The following MRPS9 variants were observed in gnomAD, a reference collection of about 807,000 sequenced individuals.
MRPS9 encodes mitochondrial ribosomal protein S9.
Under a neutral mutation model 59.9 loss-of-function variants are expected in MRPS9, and 45 were observed. The ratio of observed to expected loss-of-function variants is 0.75; its 90% CI spans 0.59 to 0.96. The LOEUF (loss-of-function observed/expected upper bound fraction) is 0.96, where lower values mean the gene tolerates loss of function less well. MRPS9 is among the 40% of genes least tolerant of loss of function. MRPS9 has a pLI of 0.00. For missense variants in MRPS9, 473 were observed against 481.1 expected (o/e 0.98, Z 0.16); for synonymous variants, 171 against 166.8 (o/e 1.03, Z -0.19).
rs150800821 is a variant in MRPS9, at chr2:105,091,809, A to G, written c.652-592A>G. Among the ~76,000 whole-genome samples the G allele has an allele frequency of 6.6e-5, 10 of 152,324 alleles. No individual in the cohort carries two copies. In the East Asian group the frequency reaches 1.9e-3, roughly 29 times the overall value. ...TCAAGAACTATTAAAAAAAATGCAC[A>G]GAGGAGCAAGGATAATTTATTTCAA... On this transcript the variant is annotated intron_variant, in intron 7 of 10. Transcript: ENST00000258455.
At chr2:105,047,646 A>G (rs1679617372) in intron 1 of MRPS9, among the ~76,000 whole-genome samples, 1 of 152,042 alleles carries the variant, frequency 6.6e-6, no homozygotes, top group Non-Finnish European at 1.5e-5. Context: ...AAGGTTGAGA[A>G]CTACAGGTTT....
At position 105,099,843 on chromosome 2, in the gene MRPS9, A is replaced by G; in HGVS notation, c.*82A>G. On this transcript the variant is annotated 3_prime_UTR_variant, in exon 11 of 11. Transcript: ENST00000258455. The stretch of plus-strand genomic sequence containing the variant: ...GACACACAGTAAATAATGGCTGACC[A>G]GCATGAGGGCAGTACTGTCAGAAAT... 3 of 1,249,618 alleles carry G rather than the reference A, an allele frequency of 2.4e-6. No homozygotes were observed. The highest frequency in any genetic ancestry group is 2.3e-6 in the Non-Finnish European group (2 of 866,464). 77.4% of individuals were successfully genotyped at this position (1,249,618 alleles called of 1,614,324 possible).
At chr2:105,093,752 T>C in intron 9 of MRPS9, 114 bp downstream of exon 9, 2 of 511,682 alleles carry the variant, frequency 3.9e-6, no homozygotes, top group Non-Finnish European at 6.9e-6. Context: ...TGATTATTTC[T>C]CTTTACCAAT....
intron 1 of MRPS9, among the ~76,000 whole-genome samples, chr2:105,039,687 T>G (rs1169910075): frequency 1.3e-5 from 2 of 152,244 alleles, no homozygotes. Flanking sequence ...CATTTTTAAC[T>G]GCTGCATACT....
intron 5 of MRPS9, among the ~76,000 whole-genome samples, chr2:105,087,758 C>T (rs188913748): frequency 1.3e-3 from 199 of 151,472 alleles, no homozygotes; most frequent in African/African-American, 4.2e-3. Flanking sequence ...AATTCAAAGG[C>T]TCAGTCTGTA....
chr2:105,098,132 C>G (rs1464840757), intron 10 of MRPS9: 1 of 152,130 alleles, frequency 6.6e-6, no homozygotes, highest in Non-Finnish European at 1.5e-5. Flanking sequence ...CTGTGTAACC[C>G]TGTTACCTGG....
intron 1 of MRPS9, among the ~76,000 whole-genome samples, chr2:105,043,115 C>T (rs1392632869): frequency 6.6e-6 from 1 of 152,188 alleles, no homozygotes; most frequent in Non-Finnish European, 1.5e-5. Context: ...TTCTTATCAT[C>T]TATTACCTAT....
At chr2:105,041,518 T>TA (rs1323796896) in intron 1 of MRPS9, among the ~76,000 whole-genome samples, 1 of 132,698 alleles carries the variant, frequency 7.5e-6, no homozygotes. Flanking sequence ...TGTCTCTGTC[T>TA]AAAGTATCTG....
chr2:105,061,838 T>C (rs892850634), intron 2 of MRPS9, among the ~76,000 whole-genome samples: 1 of 152,194 alleles, frequency 6.6e-6, no homozygotes, highest in Non-Finnish European at 1.5e-5. Context: ...TGGAGGTCTG[T>C]GCTTGTCATT....
intron 4 of MRPS9, among the ~76,000 whole-genome samples, chr2:105,078,255 TATATAAA>T (rs1162848704): frequency 6.6e-6 from 1 of 151,680 alleles, no homozygotes; most frequent in African/African-American, 2.4e-5. Context: ...TTCTTTGTGA[TATATAAA>T]ATACATGATG....
At chr2:105,075,978 G>A (rs1471493970) in intron 4 of MRPS9, among the ~76,000 whole-genome samples, 1 of 151,714 alleles carries the variant, frequency 6.6e-6, no homozygotes, top group Non-Finnish European at 1.5e-5. Flanking sequence ...GCATTGTTTT[G>A]GAAGTTTTAC....
chr2:105,099,809 C>G lies in MRPS9; in HGVS notation c.*48C>G. 2 of 1,557,366 alleles carry G rather than the reference C, an allele frequency of 1.3e-6. No individual in the cohort carries two copies. The highest frequency in any genetic ancestry group is 1.8e-6 in the Non-Finnish European group (2 of 1,130,822). On this transcript the variant is annotated 3_prime_UTR_variant, in exon 11 of 11. Transcript: ENST00000258455. The stretch of plus-strand genomic sequence containing the variant: ...AGGAAGAGCTATATATATGTGCCGA[C>G]ATGTGGCAGACACACAGTAAATAAT...
intron 2 of MRPS9, 24 bp downstream of exon 2, chr2:105,049,374 A>G: frequency 6.3e-7 from 1 of 1,586,960 alleles, no homozygotes; most frequent in Non-Finnish European, 8.6e-7. Context: ...CTCTGTTGAA[A>G]AAGTAATTGC....
At chr2:105,067,624 T>A (rs969138937) in intron 2 of MRPS9, among the ~76,000 whole-genome samples, 3 of 150,330 alleles carry the variant, frequency 2.0e-5, no homozygotes, top group African/African-American at 7.3e-5. Flanking sequence ...TGCCTGAAAT[T>A]GATGGTTAAT....
At chr2:105,076,060 G>A (rs1163684889) in intron 4 of MRPS9, among the ~76,000 whole-genome samples, 1 of 152,010 alleles carries the variant, frequency 6.6e-6, no homozygotes. Context: ...TAGGAAAATC[G>A]ATTATTATTC....
intron 1 of MRPS9, among the ~76,000 whole-genome samples, chr2:105,039,925 T>G (rs891097034): frequency 2.0e-5 from 3 of 152,290 alleles, no homozygotes; most frequent in Admixed American, 6.5e-5. Flanking sequence ...ACTGAGCACT[T>G]TACCTGAGCC....
In MRPS9 at chr2:105,099,911, G is replaced by C. The variant is rs1680754786; in HGVS notation, c.*150G>C. 1.9e-6 allele frequency: 1 copy of C among 533,390 alleles called. No individual in the cohort carries two copies. The highest frequency in any genetic ancestry group is 3.3e-6 in the Non-Finnish European group (1 of 305,272). The allele number at this position is 533,390 out of a possible 1,614,324, so 33.0% of individuals were successfully genotyped here. The stretch of plus-strand genomic sequence containing the variant: ...TGGATTTATTTTTAAATGCTACTTT[G>C]TAAAGGTGACCTTTAAAAAATAAAA... On this transcript the variant is annotated 3_prime_UTR_variant, in exon 11 of 11. Transcript: ENST00000258455.
intron 2 of MRPS9, among the ~76,000 whole-genome samples, chr2:105,070,621 G>A (rs1224707503): frequency 2.6e-5 from 4 of 152,196 alleles, no homozygotes; most frequent in Non-Finnish European, 5.9e-5. Flanking sequence ...TTAAGCTATT[G>A]TTCTCAGCTG....
chr2:105,074,538 G>T (rs1345377919), intron 4 of MRPS9, among the ~76,000 whole-genome samples: 1 of 152,218 alleles, frequency 6.6e-6, no homozygotes, highest in Admixed American at 6.5e-5. Context: ...ATAGTTCTAA[G>T]TGCTTCCTGT....
Sources: allele counts gnomAD v4.1 joint callset (sites outside exome capture counted in the v4.1 genomes callset), GRCh38; gene constraint gnomAD v4.1.1; transcripts MANE v1.5; gene names NCBI Gene and HGNC (gene_info 2026-07-23, HGNC 2026-07-21).